The following NRG1 variants were observed in gnomAD, a reference collection of about 807,000 sequenced individuals.
NRG1 encodes pro-neuregulin-1, membrane-bound isoform.
NRG1 carries 18 observed loss-of-function variants against 63.8 expected under a neutral mutation model. That is an observed-to-expected ratio of 0.28 (90% CI 0.19 to 0.42). The LOEUF (loss-of-function observed/expected upper bound fraction) is 0.42. NRG1 is among the 10% of genes least tolerant of loss of function. The pLI, the probability that NRG1 is intolerant of heterozygous loss-of-function variation, is 1.00. For missense variants in NRG1, 762 were observed against 814.7 expected, an observed-to-expected ratio of 0.94 and a Z score of 0.79; for synonymous variants, 302 against 301.3, an observed-to-expected ratio of 1.00 and a Z score of -0.02.
At chr8:31,654,174 A>G (rs945609673) in intron 1 of NRG1, among the ~76,000 whole-genome samples, 1 of 152,198 alleles carries the variant, frequency 6.6e-6, no homozygotes, top group Non-Finnish European at 1.5e-5. Flanking sequence ...TTAAAATACT[A>G]TTGAAAAGTC....
intron 1 of NRG1, among the ~76,000 whole-genome samples, chr8:31,683,993 G>A (rs1808611189): frequency 6.6e-6 from 1 of 152,170 alleles, no homozygotes; most frequent in South Asian, 2.1e-4. Flanking sequence ...TAAATATAGA[G>A]CATGTAAGAG....
intron 1 of NRG1, among the ~76,000 whole-genome samples, chr8:31,885,486 A>G (rs1237083724): frequency 6.6e-6 from 1 of 152,118 alleles, no homozygotes; most frequent in Admixed American, 6.6e-5. Context: ...TAAAGAGTTG[A>G]CTAATAAATT....
chr8:31,754,377 G>A (rs957330219), intron 1 of NRG1, among the ~76,000 whole-genome samples: 7 of 152,040 alleles, frequency 4.6e-5, no homozygotes, highest in East Asian at 1.9e-4. Context: ...CTTTAAAAGC[G>A]TGTGATGCTT....
chr8:32,530,822 T>G (rs1169003398), intron 1 of NRG1, among the ~76,000 whole-genome samples: 1 of 152,218 alleles, frequency 6.6e-6, no homozygotes, highest in African/African-American at 2.4e-5. Context: ...CCAGGTGTGG[T>G]GGCTCACGCC....
intron 1 of NRG1, among the ~76,000 whole-genome samples, chr8:31,959,661 G>A (rs1805077878): frequency 6.6e-6 from 1 of 151,992 alleles, no homozygotes; most frequent in African/African-American, 2.4e-5. Context: ...TTATCTTTAA[G>A]CATTTTGAAA....
chr8:32,763,667 C>G (rs1338643157), intron 11 of NRG1, 81 bp from the exon 12 acceptor site: 39 of 1,336,320 alleles, frequency 2.9e-5, no homozygotes, highest in Non-Finnish European at 4.0e-5. Context: ...GATATAATAC[C>G]GTGAACTCTG....
At chr8:32,453,469 C>T (rs551536100) in intron 1 of NRG1, among the ~76,000 whole-genome samples, 16 of 152,204 alleles carry the variant, frequency 1.1e-4, no homozygotes, top group African/African-American at 3.6e-4. Context: ...TTCACCTCTG[C>T]GTGTGTAAAC....
At chr8:32,728,393 A>G in intron 6 of NRG1, 1 of 985,360 alleles carries the variant, frequency 1.0e-6, no homozygotes, top group Non-Finnish European at 1.2e-6. Flanking sequence ...TGCAGATATC[A>G]CAGAGGCCTA....
chr8:32,559,723 A>C (rs1227866756), intron 1 of NRG1, among the ~76,000 whole-genome samples: 2 of 152,016 alleles, frequency 1.3e-5, no homozygotes, highest in Non-Finnish European at 2.9e-5. Context: ...AAGGCCATGC[A>C]TGGTGCCTCA....
intron 1 of NRG1, among the ~76,000 whole-genome samples, chr8:32,440,277 G>T (rs147850876): frequency 1.3e-5 from 2 of 152,198 alleles, no homozygotes; most frequent in East Asian, 3.9e-4. Context: ...ATGAGGTTTG[G>T]TTGTGGACAC....
At chr8:31,766,359 A>G (rs1686930587) in intron 1 of NRG1, among the ~76,000 whole-genome samples, 1 of 152,160 alleles carries the variant, frequency 6.6e-6, no homozygotes, top group South Asian at 2.1e-4. Flanking sequence ...AGTCTAGTAA[A>G]AAGCCTGCAA....
chr8:31,909,400 C>A (rs1585675372), intron 1 of NRG1, among the ~76,000 whole-genome samples: 1 of 151,958 alleles, frequency 6.6e-6, no homozygotes, highest in African/African-American at 2.4e-5. Context: ...TTGACCAGAC[C>A]CCTGGCTTAA....
intron 1 of NRG1, among the ~76,000 whole-genome samples, chr8:32,167,951 T>C (rs1006861095): frequency 5.9e-5 from 9 of 152,196 alleles, no homozygotes; most frequent in Non-Finnish European, 8.8e-5. Context: ...TGCCCCTCCC[T>C]CTGGAGATCC....
intron 1 of NRG1, 100 bp downstream of exon 1, chr8:32,548,926 G>C: frequency 7.2e-7 from 1 of 1,393,724 alleles, no homozygotes; most frequent in Non-Finnish European, 9.5e-7. Context: ...CCTCTCCCTC[G>C]CCCGTCCTCT....
At chr8:32,045,353 G>A (rs1471105149) in intron 1 of NRG1, among the ~76,000 whole-genome samples, 1 of 151,816 alleles carries the variant, frequency 6.6e-6, no homozygotes, top group Non-Finnish European at 1.5e-5. Flanking sequence ...ATGGAGACAT[G>A]TACCTTGTTC....
At chr8:32,662,415 C>G (rs1317798976) in intron 5 of NRG1, among the ~76,000 whole-genome samples, 2 of 152,128 alleles carry the variant, frequency 1.3e-5, no homozygotes, top group Non-Finnish European at 2.9e-5. Context: ...AAGGCCTGAT[C>G]AGGGAAGCAT....
chr8:32,034,683 G>A (rs577136950), intron 1 of NRG1, among the ~76,000 whole-genome samples: 1 of 152,246 alleles, frequency 6.6e-6, no homozygotes, highest in Non-Finnish European at 1.5e-5. Flanking sequence ...TTGGGAGGGT[G>A]TATGTATCCA....
intron 1 of NRG1, among the ~76,000 whole-genome samples, chr8:32,141,592 GTA>G (rs59251868): frequency 0.038 from 2,690 of 71,648 alleles, 56 homozygotes; most frequent in African/African-American, 0.065. Context: ...ATGTGTGTGG[GTA>G]TATATATATA....
intron 1 of NRG1, among the ~76,000 whole-genome samples, chr8:31,891,100 T>G (rs983508624): frequency 6.6e-6 from 1 of 152,184 alleles, no homozygotes; most frequent in African/African-American, 2.4e-5. Flanking sequence ...AGCCAAATAA[T>G]GGGTCGACTT....
Sources: allele counts gnomAD v4.1 joint callset (sites outside exome capture counted in the v4.1 genomes callset), GRCh38; gene constraint gnomAD v4.1.1; transcripts MANE v1.5; gene names NCBI Gene and HGNC (gene_info 2026-07-23, HGNC 2026-07-21).